MTERF4: variants seen among roughly 807,000 people sequenced by gnomAD.
MTERF4 encodes the protein mitochondrial transcription termination factor 4.
In MTERF4, 17 loss-of-function variants were observed where a neutral mutation model predicts 22.5. The observed-to-expected ratio is 0.75, with a 90% CI of 0.52 to 1.13. The LOEUF (loss-of-function observed/expected upper bound fraction) is 1.13, where lower values mean the gene tolerates loss of function less well. Ranked by LOEUF, MTERF4 falls within the 50% of genes most tolerant of loss-of-function variation. The pLI, the probability that MTERF4 is intolerant of heterozygous loss-of-function variation, is 0.00. For synonymous variants in MTERF4, 165 were observed against 175.3 expected (o/e 0.94, Z 0.47); for missense variants, 420 against 466.8 (o/e 0.90, Z 0.92).
In MTERF4 at chr2:241,098,989, A is replaced by G. The variant is rs1302078093; in HGVS notation, c.520+407T>C. 2.0e-5 allele frequency among the ~76,000 whole-genome samples: 3 copies of G among 152,210 alleles called. No individual in the cohort carries two copies. In the East Asian group the frequency reaches 5.8e-4, roughly 29 times the overall value. On this transcript the variant is annotated intron_variant, in intron 2 of 3. Coordinates refer to ENST00000391980, the MANE Select transcript of MTERF4 (RefSeq NM_182501.4). ...CAAGCCAAATTATACAGTCCTCTCC[A>G]GGAACACTGACATACTCAGAAACCT...
chr2:241,057,784 A>G, the MTERF4 span, among the ~76,000 whole-genome samples: 1 of 152,316 alleles, frequency 6.6e-6, no homozygotes, highest in East Asian at 1.9e-4. Context: ...TCTCATACAA[A>G]CACAGCTTCA....
chr2:241,073,437 G>A lies in MTERF4; in HGVS notation n.2725C>T. 3 of 1,246,708 alleles carry A rather than the reference G, an allele frequency of 2.4e-6. No homozygotes were observed. The highest frequency in any genetic ancestry group is 2.0e-5 in the Admixed American group (1 of 50,538). The allele number at this position is 1,246,708 out of a possible 1,614,324, so 77.2% of individuals were successfully genotyped here. A position where few individuals can be genotyped will look rare whatever the true frequency, so the allele number is the denominator to read the frequency against. ...CAGGGGCCTTAGAGGCTGCAGGCAG[G>A]AGGGACCACCCACGGTGAGGAATCA... On this transcript the variant is annotated non_coding_transcript_exon_variant, in exon 5 of 5. Coordinates refer to the MTERF4 transcript ENST00000464344. This position sits in a 1 kb window ranked among gnomAD's most constrained non-coding sequence, Gnocchi z 6.6.
At chr2:241,094,612 C>T (rs140408698), downstream of MTERF4, 6 of 351,086 alleles carry the variant, frequency 1.7e-5, no homozygotes, top group Non-Finnish European at 2.2e-5. This position sits in a 1 kb window ranked among gnomAD's most constrained non-coding sequence, Gnocchi z 4.3. Flanking sequence ...GAAGTTGTCA[C>T]GAGTGAACAG....
chr2:241,069,059 G>C, downstream of MTERF4: 1 of 1,420,864 alleles, frequency 7.0e-7, no homozygotes, highest in Non-Finnish European at 9.6e-7. The surrounding 1 kb of genome is among the most constrained non-coding windows in gnomAD (Gnocchi z 4.9). Flanking sequence ...CACACGAAAG[G>C]CCGTCTTCTA....
At chr2:241,086,262 G>C (rs141140750), downstream of MTERF4, among the ~76,000 whole-genome samples, 109 of 152,278 alleles carry the variant, frequency 7.2e-4, 1 homozygote, top group Middle Eastern at 0.034. Context: ...TTTGCCTTGT[G>C]GGGATTCACC....
chr2:241,076,924 A>C (rs2063050027), intron 4 of MTERF4, among the ~76,000 whole-genome samples: 1 of 152,136 alleles, frequency 6.6e-6, no homozygotes, highest in Non-Finnish European at 1.5e-5. Context: ...CTAAAAATAC[A>C]AAAAATTAGC....
At chr2:241,077,337 G>A (rs1228474485) in intron 4 of MTERF4, among the ~76,000 whole-genome samples, 1 of 152,094 alleles carries the variant, frequency 6.6e-6, no homozygotes, top group Admixed American at 6.6e-5. Context: ...AAACATAGGA[G>A]TAAATCTTCA....
chr2:241,044,551 T>C, the MTERF4 span, among the ~76,000 whole-genome samples: 5 of 152,164 alleles, frequency 3.3e-5, no homozygotes, highest in African/African-American at 1.2e-4. Flanking sequence ...CATTTTTTGT[T>C]TTTTGCTTTG....
At chr2:241,049,143 G>T in the MTERF4 span, 2 of 1,605,250 alleles carry the variant, frequency 1.2e-6, no homozygotes, top group Non-Finnish European at 1.7e-6. Context: ...ACTGTGAGTA[G>T]CTCGGGGACG....
At chr2:241,071,648 C>T (rs768530377), downstream of MTERF4, 9 of 1,573,416 alleles carry the variant, frequency 5.7e-6, no homozygotes, top group Non-Finnish European at 6.9e-6. Context: ...AACAGACCGC[C>T]CCCGGCGCGC....
chr2:241,046,832 A>T, the MTERF4 span, among the ~76,000 whole-genome samples: 1 of 152,214 alleles, frequency 6.6e-6, no homozygotes, highest in African/African-American at 2.4e-5. Flanking sequence ...AAGCACGTGA[A>T]GAAACTGAAC....
At chr2:241,052,797 G>C in the MTERF4 span, among the ~76,000 whole-genome samples, 2 of 126,226 alleles carry the variant, frequency 1.6e-5, no homozygotes, top group Middle Eastern at 4.3e-3. Context: ...GGCAGGTAAG[G>C]CCTGGGGGGC....
Position 241,073,568 on chromosome 2 carries a change from C to A in MTERF4, n.2594G>T. 1 of 624,218 alleles carries A rather than the reference C, an allele frequency of 1.6e-6. No individual in the cohort carries two copies. The highest frequency in any genetic ancestry group is 2.5e-5 in the Admixed American group (1 of 39,536). The allele number at this position is 624,218 out of a possible 1,614,324, so 38.7% of individuals were successfully genotyped here. On this transcript the variant is annotated non_coding_transcript_exon_variant, in exon 5 of 5. Transcript: ENST00000464344. This position sits in a 1 kb window ranked among gnomAD's most constrained non-coding sequence, Gnocchi z 6.6. Reference sequence around the variant, plus strand: ...AGCAGTGGGACCCCACAGACGGGAACAGGCCAGGGGGCAGGACCCACCCAA... The same window carrying A: ...AGCAGTGGGACCCCACAGACGGGAAAAGGCCAGGGGGCAGGACCCACCCAA...
downstream of MTERF4, chr2:241,067,886 C>T (rs753791320): frequency 9.3e-6 from 15 of 1,613,410 alleles, no homozygotes; most frequent in Non-Finnish European, 5.1e-6. Flanking sequence ...CATCCGCCAC[C>T]CTGAGGCCCT....
chr2:241,065,240 G>C, the MTERF4 span: 5 of 1,574,352 alleles, frequency 3.2e-6, no homozygotes, highest in Non-Finnish European at 4.3e-6. Flanking sequence ...ACGGGAGCCA[G>C]GCATGCATAG....
chr2:241,073,694 C>T lies in MTERF4; in HGVS notation n.2468G>A, dbSNP rs2062863563. The T allele has an allele frequency of 2.2e-6, 1 of 462,316 alleles. No individual in the cohort carries two copies. Among genetic ancestry groups the T allele is most frequent in the Admixed American group, 3.6e-5 (1 of 27,634 alleles). 28.6% of individuals were successfully genotyped at this position (462,316 alleles called of 1,614,324 possible). A position where few individuals can be genotyped will look rare whatever the true frequency, so the allele number is the denominator to read the frequency against. ...CAGCAGAGCCCACCCCAGCCCCTGC[C>T]TCTGGGCCCCTCACCCCTCACTTCT... is the stretch of plus-strand genomic sequence containing the variant. On this transcript the variant is annotated non_coding_transcript_exon_variant, in exon 5 of 5. Transcript: ENST00000464344. The surrounding 1 kb of genome is among the most constrained non-coding windows in gnomAD (Gnocchi z 6.6).
At chr2:241,046,880 C>T in the MTERF4 span, among the ~76,000 whole-genome samples, 2 of 152,262 alleles carry the variant, frequency 1.3e-5, no homozygotes, top group Non-Finnish European at 2.9e-5. Flanking sequence ...CGTGGTGGCT[C>T]ACCCCTGTAA....
downstream of MTERF4, chr2:241,071,726 T>G: frequency 1.0e-6 from 1 of 978,752 alleles, no homozygotes; most frequent in Non-Finnish European, 1.4e-6. Context: ...CCCAGGTACA[T>G]GCCCCACCCA....
At chr2:241,087,721 C>T, downstream of MTERF4, 3 of 1,341,984 alleles carry the variant, frequency 2.2e-6, no homozygotes, top group Non-Finnish European at 2.9e-6. Context: ...TCTGGTTATG[C>T]ATATTCACAC....
Sources: gnomAD v4.1 joint callset for allele counts (sites outside exome capture counted in the v4.1 genomes callset) on GRCh38, gnomAD v4.1.1 for gene constraint, Gnocchi (gnomAD v3.1) non-coding constraint, MANE v1.5 for transcripts, NCBI Gene and HGNC (gene_info 2026-07-23, HGNC 2026-07-21) for gene names.